Variants in CCDC88C observed in about 807,000 individuals in gnomAD.
CCDC88C encodes the protein coiled-coil and HOOK domain protein 88C.
A neutral mutation model predicts 198.8 loss-of-function variants in CCDC88C; 131 were observed. The ratio of observed to expected loss-of-function variants is 0.66; its 90% confidence interval spans 0.57 to 0.76. The LOEUF (loss-of-function observed/expected upper bound fraction) is 0.76, where lower values mean the gene tolerates loss of function less well. Among genes scored for constraint, CCDC88C ranks in the 30% least tolerant of loss-of-function variants. The pLI, the probability that CCDC88C is intolerant of heterozygous loss-of-function variation, is 0.00. For missense variants in CCDC88C, 2,553 were observed against 2,631.6 expected, an observed-to-expected ratio of 0.97 and a Z score of 0.65; for synonymous variants, 1,166 against 1,114.7, an observed-to-expected ratio of 1.05 and a Z score of -0.92.
intron 21 of CCDC88C, 120 bp from the exon 22 acceptor site, chr14:91,297,611 T>A: frequency 2.1e-6 from 2 of 973,686 alleles, no homozygotes; most frequent in Non-Finnish European, 2.9e-6. Flanking sequence ...TTAGACAAAA[T>A]CACAACCTCT....
intron 18 of CCDC88C, 118 bp from the exon 19 acceptor site, chr14:91,306,044 G>T: frequency 1.0e-6 from 1 of 980,144 alleles, no homozygotes; most frequent in Non-Finnish European, 1.5e-6. Context: ...CAAATCGAGG[G>T]TCCGCTGGAT....
chr14:91,335,962 T>G (rs930328104), intron 10 of CCDC88C, among the ~76,000 whole-genome samples: 1 of 152,164 alleles, frequency 6.6e-6, no homozygotes, highest in African/African-American at 2.4e-5. Context: ...ATTCATCACC[T>G]GCGTTGGCGG....
rs568891724 is a variant in CCDC88C at position 91,355,054 on chromosome 14, G to A, written c.340+4588C>T. Among the ~76,000 whole-genome samples the A allele has an allele frequency of 1.1e-3, 164 of 152,240 alleles. 2 individuals are homozygous for A. The highest frequency in any genetic ancestry group is 6.5e-3 in the Admixed American group (99 of 15,294). Reference sequence around the variant, plus strand: ...GTGCACAGGCCCTAGTGCCCGGAGCGGGCTGCAAAATGACAGTCGGCTGAC... The same window carrying A: ...GTGCACAGGCCCTAGTGCCCGGAGCAGGCTGCAAAATGACAGTCGGCTGAC... On this transcript the variant is annotated intron_variant, in intron 4 of 29. Coordinates refer to ENST00000389857, the MANE Select transcript of CCDC88C (RefSeq NM_001080414.4).
At position 91,273,133 on chromosome 14, in the gene CCDC88C, C is replaced by T. The variant is rs1031877266; in HGVS notation, c.5579G>A (p.Arg1860Gln). The part of the protein sequence containing the change: ...PPSSHSLARE[R>Q]TPLVGKAGSS... ...GCCAGCCTTTCCCACAAGTGGGGTC[C>T]GCTCCCGGGCCAGGCTATGGGAGCT... The change falls in exon 30 of 30, where the codon CGG becomes CAG. Residue 1860 changes from arginine (R) to glutamine (Q), a missense_variant. By Grantham distance (43) the Arg-to-Gln change is conservative. This residue lies in a region of CCDC88C where 1,293 missense variants were observed against 1,219.6 expected (regional missense o/e 1.06). Transcript: ENST00000389857. The surrounding 1 kb of genome is among the most constrained non-coding windows in gnomAD (Gnocchi z 5.6). 3.2e-5 allele frequency: 51 copies of T among 1,576,302 alleles called. No individual in the cohort carries two copies. Among genetic ancestry groups the T allele is most frequent in the Middle Eastern group, 1.7e-4 (1 of 5,964 alleles).
chr14:91,399,557 G>C (rs555766719), intron 3 of CCDC88C, among the ~76,000 whole-genome samples: 1 of 152,170 alleles, frequency 6.6e-6, no homozygotes, highest in South Asian at 2.1e-4. Context: ...AGGTTCCTAG[G>C]CCAGGCTCAG....
At position 91,273,399 on chromosome 14, in the gene CCDC88C, G is replaced by A; in HGVS notation, c.5313C>T (p.Ala1771=). ...CCAGAGACAGGCTCTGGGGAGGCTG[G>A]GCCTGTCTCGGGGCCACGCTGGGTG... ...EAPPSVAPRQ[A]QPPQSLSLGR... The change falls in exon 30 of 30, where the codon GCC becomes GCT. Residue 1771 remains alanine (A), a synonymous_variant. Transcript: ENST00000389857. This position sits in a 1 kb window ranked among gnomAD's most constrained non-coding sequence, Gnocchi z 5.6. The A allele has an allele frequency of 1.3e-6, 2 of 1,541,314 alleles. No homozygotes were observed. Among genetic ancestry groups the A allele is most frequent in the Non-Finnish European group, 1.7e-6 (2 of 1,143,598 alleles).
At chr14:91,345,899 C>G (rs1893523247) in intron 4 of CCDC88C, among the ~76,000 whole-genome samples, 1 of 151,704 alleles carries the variant, frequency 6.6e-6, no homozygotes, top group Non-Finnish European at 1.5e-5. Flanking sequence ...ATAAAATGGC[C>G]TGGGTAATGT....
chr14:91,313,170 T>C lies in CCDC88C; in HGVS notation c.2646A>G (p.Ala882=), dbSNP rs1567068845. ...TCTCCAGCTCCTTCAGCTTGCCGGC[T>C]GCGTCCCTGCAGCGGGCCAGCTCCT... The part of the protein sequence containing the change: ...LDKELARCRD[A]AGKLKELEKD... The change falls in exon 15 of 30, where the codon GCA becomes GCG. Residue 882 remains alanine, a synonymous_variant. Coordinates refer to ENST00000389857, the MANE Select transcript of CCDC88C (RefSeq NM_001080414.4). This position sits in a 1 kb window ranked among gnomAD's most constrained non-coding sequence, Gnocchi z 5.2. The C allele has an allele frequency of 6.2e-7, 1 of 1,612,042 alleles. No individual in the cohort carries two copies. Among genetic ancestry groups the C allele is most frequent in the African/African-American group, 1.3e-5 (1 of 74,924 alleles).
At chr14:91,293,567 G>GCCCACCTTCCTGCCCCCTCGCCTGCCACA (rs1567055921) in intron 23 of CCDC88C, among the ~76,000 whole-genome samples, 169 of 16,122 alleles carry the variant, frequency 0.01, 40 homozygotes, top group Non-Finnish European at 0.014. Flanking sequence ...CGCCTGCCAC[G>GCCCACCTTCCTGCCCCCTCGCCTGCCACA]GCCCACCTTC....
intron 6 of CCDC88C, 156 bp downstream of exon 6, chr14:91,342,224 G>T: frequency 2.2e-6 from 1 of 450,756 alleles, no homozygotes. Flanking sequence ...TTTCCAAATA[G>T]AATCAATGTG....
chr14:91,323,334 C>G (rs1892437294), intron 12 of CCDC88C, among the ~76,000 whole-genome samples: 2 of 152,198 alleles, frequency 1.3e-5, no homozygotes, highest in Non-Finnish European at 2.9e-5. Flanking sequence ...GCCGGGGTTC[C>G]TGCTTCACTG....
chr14:91,319,106 C>A (rs987981854), intron 13 of CCDC88C, among the ~76,000 whole-genome samples: 5 of 152,164 alleles, frequency 3.3e-5, no homozygotes, highest in Non-Finnish European at 4.4e-5. Context: ...CAAGAACACT[C>A]TGGCCTCCTC....
At chr14:91,396,707 C>T (rs1448679537) in intron 3 of CCDC88C, among the ~76,000 whole-genome samples, 3 of 152,198 alleles carry the variant, frequency 2.0e-5, no homozygotes, top group East Asian at 3.8e-4. Context: ...AGCTTTGTTG[C>T]TTACTTTGTG....
chr14:91,313,833 G>C lies in CCDC88C; in HGVS notation c.1983C>G (p.Val661=). ...VTSLETATEK[V]EALEHESQGL... is the part of the protein sequence containing the mutation. ...CCTGGCTCTCATGCTCCAGGGCCTCGACTTTCTCGGTGGCTGTCTCCAGGG... is the reference window on the plus strand; with the variant it reads ...CCTGGCTCTCATGCTCCAGGGCCTCCACTTTCTCGGTGGCTGTCTCCAGGG... Residue 661 remains valine, a synonymous_variant, in exon 15 of 30, where the codon GTC becomes GTG. Coordinates refer to ENST00000389857, the MANE Select transcript of CCDC88C (RefSeq NM_001080414.4). This position sits in a 1 kb window ranked among gnomAD's most constrained non-coding sequence, Gnocchi z 5.2. 6.2e-7 allele frequency: 1 copy of C among 1,603,666 alleles called. No homozygotes were observed. Among genetic ancestry groups the C allele is most frequent in the Non-Finnish European group, 8.5e-7 (1 of 1,176,800 alleles).
chr14:91,360,380 C>T (rs796302749), intron 3 of CCDC88C, among the ~76,000 whole-genome samples: 1 of 151,814 alleles, frequency 6.6e-6, no homozygotes, highest in African/African-American at 2.4e-5. Context: ...CCTGGGTGGT[C>T]GAAGATACAG....
rs191652241 is a variant in CCDC88C, at chr14:91,316,914, G to T, written c.1528-1127C>A. On this transcript the variant is annotated intron_variant, in intron 13 of 29. Coordinates refer to ENST00000389857, the MANE Select transcript of CCDC88C (RefSeq NM_001080414.4). ...GCTGCAGACTTTCTGGCCCCCAGAGGGTTTCCTGTCCTCCCTGCAGCCACT... is the reference window on the plus strand; with the variant it reads ...GCTGCAGACTTTCTGGCCCCCAGAGTGTTTCCTGTCCTCCCTGCAGCCACT... Among the ~76,000 whole-genome samples the T allele has an allele frequency of 3.7e-3, 569 of 152,296 alleles. 2 individuals are homozygous for T. The highest frequency in any genetic ancestry group is 0.02 in the Middle Eastern group (6 of 294).
rs534061771 is a variant in CCDC88C, at chr14:91,330,089, C to T, written c.1051-4033G>A. On this transcript the variant is annotated intron_variant, in intron 10 of 29. Coordinates refer to ENST00000389857, the MANE Select transcript of CCDC88C (RefSeq NM_001080414.4). ...GTGCTGACCCCTGAGCCACAAGGTG[C>T]ATGGGGCACAGAGGACCAGGGGTCA... 2.0e-5 allele frequency among the ~76,000 whole-genome samples: 3 copies of T among 152,364 alleles called. No homozygotes were observed. In the South Asian group the frequency reaches 6.2e-4, roughly 32 times the overall value.
At chr14:91,343,555 T>C in intron 5 of CCDC88C, 44 bp downstream of exon 5, 1 of 1,611,864 alleles carries the variant, frequency 6.2e-7, no homozygotes, top group Non-Finnish European at 8.5e-7. Flanking sequence ...CAATATGAGA[T>C]GGCTGGGGTA....
At chr14:91,396,319 A>C (rs921856524) in intron 3 of CCDC88C, among the ~76,000 whole-genome samples, 1 of 152,192 alleles carries the variant, frequency 6.6e-6, no homozygotes, top group African/African-American at 2.4e-5. Flanking sequence ...GGCAAAGGAG[A>C]AACCTCTGTT....
Sources: allele counts gnomAD v4.1 joint callset (sites outside exome capture counted in the v4.1 genomes callset), GRCh38; gene constraint gnomAD v4.1.1; regional missense constraint gnomAD v4.1.1; non-coding constraint Gnocchi (gnomAD v3.1); transcripts MANE v1.5; gene names NCBI Gene and HGNC (gene_info 2026-07-23, HGNC 2026-07-21).